Variants in PDS5A observed in about 807,000 individuals in gnomAD.
PDS5A encodes PDS5 cohesin associated factor A.
PDS5A carries 42 observed loss-of-function variants against 167.1 expected under a neutral mutation model. That is an observed-to-expected ratio of 0.25 (90% CI 0.20 to 0.33). PDS5A has a LOEUF of 0.33. Ranked by LOEUF, PDS5A falls within the 10% of genes least tolerant of loss-of-function variation. The pLI is 1.00. For synonymous variants in PDS5A, 553 were observed against 554.6 expected (o/e 1.00, Z 0.04); for missense variants, 1,033 against 1,605.9 (o/e 0.64, Z 6.10).
At chr4:39,871,709 T>TG (rs1483215513) in intron 21 of PDS5A, among the ~76,000 whole-genome samples, 2 of 152,186 alleles carry the variant, frequency 1.3e-5, no homozygotes, top group Non-Finnish European at 2.9e-5. Flanking sequence ...TTTTATTTAT[T>TG]TATTTATTTT....
chr4:39,845,389 A>T (rs192181951), intron 29 of PDS5A, among the ~76,000 whole-genome samples: 2 of 152,308 alleles, frequency 1.3e-5, no homozygotes, highest in Admixed American at 1.3e-4. Flanking sequence ...CTATAAATAA[A>T]CTATTGGATA....
intron 2 of PDS5A, among the ~76,000 whole-genome samples, chr4:39,945,296 C>T (rs1172711531): frequency 6.6e-6 from 1 of 151,578 alleles, no homozygotes; most frequent in Non-Finnish European, 1.5e-5. Context: ...CCCGTCTCTA[C>T]TAAAAATACA....
chr4:39,866,605 G>A lies in PDS5A; in HGVS notation c.2642+256C>T, dbSNP rs191027326. On this transcript the variant is annotated intron_variant, in intron 23 of 32. Coordinates refer to ENST00000303538, the MANE Select transcript of PDS5A (RefSeq NM_001100399.2). ...ATTGAACCAAATGTTGATGCTAACT[G>A]TAATAGTACAATATAGTGATTATGA... 3.5e-4 allele frequency among the ~76,000 whole-genome samples: 54 copies of A among 152,268 alleles called. No individual in the cohort carries two copies. The Middle Eastern group carries it at 0.014, about 38-fold the overall frequency.
At chr4:39,828,507 T>C (rs1404290081) in intron 32 of PDS5A, among the ~76,000 whole-genome samples, 3 of 152,226 alleles carry the variant, frequency 2.0e-5, no homozygotes, top group African/African-American at 7.2e-5. Flanking sequence ...TTAGAAGTTA[T>C]GGCTGTGGTA....
chr4:39,825,443 G>T lies in PDS5A; in HGVS notation c.*42C>A. The T allele has an allele frequency of 1.3e-6, 2 of 1,555,930 alleles. No individual in the cohort carries two copies. The highest frequency in any genetic ancestry group is 2.3e-5 in the East Asian group (1 of 43,848). ...CAAGTTTTTGCAGAAGCTGGAGCCT[G>T]CTTCTGTTTGGCCTTCATTTTCTCC... is the stretch of plus-strand genomic sequence containing the variant. On this transcript the variant is annotated 3_prime_UTR_variant, in exon 33 of 33. Transcript: ENST00000303538.
intron 24 of PDS5A, 90 bp from the exon 25 acceptor site, chr4:39,863,163 A>T: frequency 9.5e-7 from 1 of 1,047,192 alleles, no homozygotes; most frequent in South Asian, 1.5e-5. Context: ...AATTAAAAAG[A>T]AGATAATTAT....
At chr4:39,886,639 G>A (rs1215319738) in intron 17 of PDS5A, among the ~76,000 whole-genome samples, 2 of 151,986 alleles carry the variant, frequency 1.3e-5, no homozygotes, top group Admixed American at 6.6e-5. Flanking sequence ...CTCGAACACA[G>A]GAGGTGGAGG....
intron 19 of PDS5A, among the ~76,000 whole-genome samples, chr4:39,876,659 G>GA (rs1228807090): frequency 2.0e-5 from 3 of 151,870 alleles, no homozygotes; most frequent in East Asian, 1.9e-4. Context: ...CCCATTTATA[G>GA]AAAAAAAGAT....
chr4:39,904,286 T>C (rs1723121218), intron 11 of PDS5A, 95 bp from the exon 12 acceptor site: 2 of 669,150 alleles, frequency 3.0e-6, no homozygotes, highest in East Asian at 3.1e-5. Context: ...TACAGTCTTA[T>C]GTGTGCCTTT....
At chr4:39,943,987 C>T (rs1727492452) in intron 2 of PDS5A, among the ~76,000 whole-genome samples, 1 of 151,662 alleles carries the variant, frequency 6.6e-6, no homozygotes, top group African/African-American at 2.4e-5. Flanking sequence ...ACCATCCTGG[C>T]TAACACAGTG....
intron 2 of PDS5A, among the ~76,000 whole-genome samples, chr4:39,942,342 T>G (rs539872937): frequency 6.6e-6 from 1 of 152,282 alleles, no homozygotes; most frequent in South Asian, 2.1e-4. Flanking sequence ...TTCGACACTT[T>G]TTTAAATATG....
chr4:39,878,749 T>C lies in PDS5A; in HGVS notation c.1992+979A>G, dbSNP rs540892143. Among the ~76,000 whole-genome samples, 24 of 152,296 alleles carry C rather than the reference T, an allele frequency of 1.6e-4. No individual in the cohort carries two copies. The East Asian group carries it at 2.9e-3, about 18-fold the overall frequency. On this transcript the variant is annotated intron_variant, in intron 18 of 32. Transcript: ENST00000303538. ...ATCAATTCTATTAATGAAATGATTTTTTTTTCTTTTCTTTTTCGACAGTCT... is the reference window on the plus strand; with the variant it reads ...ATCAATTCTATTAATGAAATGATTTCTTTTTCTTTTCTTTTTCGACAGTCT...
intron 9 of PDS5A, among the ~76,000 whole-genome samples, chr4:39,912,008 CA>C (rs1723938674): frequency 6.6e-6 from 1 of 152,032 alleles, no homozygotes; most frequent in Admixed American, 6.5e-5. Context: ...ACCAAGTAAA[CA>C]AAAATTGTTT....
At chr4:39,919,570 G>A (rs1297607978) in intron 7 of PDS5A, among the ~76,000 whole-genome samples, 2 of 152,156 alleles carry the variant, frequency 1.3e-5, no homozygotes, top group Non-Finnish European at 2.9e-5. Context: ...GCGTCAACCC[G>A]GGAGGCGGAG....
intron 2 of PDS5A, among the ~76,000 whole-genome samples, chr4:39,956,528 G>A (rs1728942128): frequency 6.7e-6 from 1 of 149,678 alleles, no homozygotes; most frequent in African/African-American, 2.4e-5. Flanking sequence ...AAATATCAAG[G>A]AAATATGAGA....
At chr4:39,854,371 G>A (rs546014692) in intron 26 of PDS5A, among the ~76,000 whole-genome samples, 39 of 152,254 alleles carry the variant, frequency 2.6e-4, no homozygotes, top group African/African-American at 9.1e-4. Context: ...AAGAATAAAT[G>A]AGGTAACATT....
At chr4:39,871,443 G>A (rs1018593850) in intron 21 of PDS5A, among the ~76,000 whole-genome samples, 9 of 152,110 alleles carry the variant, frequency 5.9e-5, no homozygotes, top group Admixed American at 1.3e-4. Context: ...CTTAGGCCAC[G>A]TTCTTCTCTT....
intron 16 of PDS5A, 99 bp downstream of exon 16, chr4:39,898,290 T>C (rs893184157): frequency 2.5e-5 from 34 of 1,374,228 alleles, no homozygotes; most frequent in Non-Finnish European, 3.1e-5. Context: ...CACAATATTG[T>C]TACATTTACA....
At chr4:39,923,180 T>C (rs1725149705) in intron 5 of PDS5A, among the ~76,000 whole-genome samples, 1 of 151,284 alleles carries the variant, frequency 6.6e-6, no homozygotes, top group African/African-American at 2.4e-5. Context: ...ATACAAAAAT[T>C]AGTGAAGCGT....
Sources: gnomAD v4.1 joint callset for allele counts (sites outside exome capture counted in the v4.1 genomes callset) on GRCh38, gnomAD v4.1.1 for gene constraint, MANE v1.5 for transcripts, NCBI Gene and HGNC (gene_info 2026-07-23, HGNC 2026-07-21) for gene names.